The following KCNH1 variants were observed in gnomAD, a reference collection of about 807,000 sequenced individuals.
KCNH1 encodes voltage-gated delayed rectifier potassium channel KCNH1.
A neutral mutation model predicts 69.2 loss-of-function variants in KCNH1; 27 were observed. That is an observed-to-expected ratio of 0.39 (90% CI 0.29 to 0.54). The LOEUF (loss-of-function observed/expected upper bound fraction) is 0.54. Among genes scored for constraint, KCNH1 ranks in the 20% least tolerant of loss-of-function variants. The pLI is 0.68. For missense variants in KCNH1, 798 were observed against 1,261.6 expected (o/e 0.63, Z 5.57); for synonymous variants, 456 against 487.7 (o/e 0.93, Z 0.86).
intron 3 of KCNH1, among the ~76,000 whole-genome samples, chr1:211,102,352 T>C (rs1216335209): frequency 6.6e-6 from 1 of 152,174 alleles, no homozygotes. Context: ...GCTGTTGCTT[T>C]GAGTTGAGTT....
chr1:211,086,423 C>T (rs1020998557), intron 4 of KCNH1, among the ~76,000 whole-genome samples: 1 of 152,114 alleles, frequency 6.6e-6, no homozygotes, highest in Non-Finnish European at 1.5e-5. Context: ...CCAGTTCTAT[C>T]ACAAATGTCA....
intron 1 of KCNH1, among the ~76,000 whole-genome samples, chr1:211,116,087 G>A (rs1691576347): frequency 6.6e-6 from 1 of 152,072 alleles, no homozygotes; most frequent in Non-Finnish European, 1.5e-5. Flanking sequence ...AGTGAGCTAT[G>A]AGCATGCCAC....
At chr1:211,018,118 G>GACCT (rs1366179372) in intron 6 of KCNH1, among the ~76,000 whole-genome samples, 3 of 152,018 alleles carry the variant, frequency 2.0e-5, no homozygotes, top group Non-Finnish European at 4.4e-5. Context: ...CACCATGAGT[G>GACCT]ACCTGGTCCT....
chr1:210,878,018 GCCATATTTGAACTTATAAGTCT>G (rs1257196745), intron 7 of KCNH1, among the ~76,000 whole-genome samples: 1 of 151,998 alleles, frequency 6.6e-6, no homozygotes, highest in African/African-American at 2.4e-5. Context: ...ATGTGGGTTG[GCCATATTTGAACTTATAAGTCT>G]CCAGCTAAAA....
At chr1:210,854,314 G>A (rs1685781954) in intron 7 of KCNH1, among the ~76,000 whole-genome samples, 1 of 152,168 alleles carries the variant, frequency 6.6e-6, no homozygotes, top group South Asian at 2.1e-4. Context: ...TATAAATGAG[G>A]AAACTGGGAC....
At chr1:211,132,732 C>G (rs1235687402) in intron 1 of KCNH1, 1 of 152,122 alleles carries the variant, frequency 6.6e-6, no homozygotes, top group Non-Finnish European at 1.5e-5. Context: ...TTATTAAAAC[C>G]CATTTCCTAA....
At position 210,903,342 on chromosome 1, in the gene KCNH1, A is replaced by T. The variant is rs185466959; in HGVS notation, c.1462+16298T>A. On this transcript the variant is annotated intron_variant, in intron 7 of 10. Coordinates refer to ENST00000271751, the MANE Select transcript of KCNH1 (RefSeq NM_172362.3). ...TTATCTCAGCATCTATCAGCCCTAA[A>T]TTTTTTTAAATGAATGGATAAAATA... is the stretch of plus-strand genomic sequence containing the variant. 2.4e-4 allele frequency among the ~76,000 whole-genome samples: 37 copies of T among 152,214 alleles called. No individual in the cohort carries two copies. The East Asian group carries it at 7.0e-3, about 29-fold the overall frequency.
chr1:210,901,979 A>G (rs1160838334), intron 7 of KCNH1, among the ~76,000 whole-genome samples: 2 of 152,062 alleles, frequency 1.3e-5, no homozygotes, highest in African/African-American at 4.8e-5. Flanking sequence ...CTTAAATACC[A>G]CATCTCACAG....
chr1:211,006,560 G>A (rs1029194395), intron 6 of KCNH1, among the ~76,000 whole-genome samples: 2 of 149,970 alleles, frequency 1.3e-5, no homozygotes, highest in Middle Eastern at 3.4e-3. Context: ...GAAGTGACTA[G>A]GAACGATGAG....
At chr1:210,732,090 A>G (rs886788024) in intron 10 of KCNH1, among the ~76,000 whole-genome samples, 3 of 152,036 alleles carry the variant, frequency 2.0e-5, no homozygotes, top group Admixed American at 1.3e-4. Context: ...AGCTGTGGCC[A>G]TGAGAACATC....
At chr1:210,970,231 C>T (rs1688487044) in intron 6 of KCNH1, among the ~76,000 whole-genome samples, 1 of 152,028 alleles carries the variant, frequency 6.6e-6, no homozygotes, top group Non-Finnish European at 1.5e-5. Context: ...GCCTTGCACA[C>T]ATTAGCTATT....
At chr1:210,869,086 G>A (rs747150731) in intron 7 of KCNH1, among the ~76,000 whole-genome samples, 3 of 151,976 alleles carry the variant, frequency 2.0e-5, no homozygotes, top group African/African-American at 7.2e-5. Flanking sequence ...CTTTAAAGAC[G>A]TCATGTCATT....
In KCNH1 at chr1:211,050,260, T is replaced by TAAAAAAAAAAAAAAAAA. The variant is rs747498526; in HGVS notation, c.559-31021_559-31005dup. Among the ~76,000 whole-genome samples the TAAAAAAAAAAAAAAAAA allele has an allele frequency of 3.1e-4, 18 of 58,564 alleles. 1 individual carries two copies. Among genetic ancestry groups the TAAAAAAAAAAAAAAAAA allele is most frequent in the Admixed American group, 1.3e-3 (5 of 3,818 alleles). The allele number at this position is 58,564 out of a possible 152,430, so 38.4% of individuals were successfully genotyped here. A position where few individuals can be genotyped will look rare whatever the true frequency, so the allele number is the denominator to read the frequency against. ...AGGACAAACTCAGCCCACACATTCT[T>TAAAAAAAAAAAAAAAAA]AAAAAAAAAAAAAAAAAAAAAAAAA... On this transcript the variant is annotated intron_variant, in intron 5 of 10. Transcript: ENST00000271751.
At chr1:210,782,381 T>C (rs60695246) in intron 9 of KCNH1, among the ~76,000 whole-genome samples, 1 of 151,864 alleles carries the variant, frequency 6.6e-6, no homozygotes, top group Non-Finnish European at 1.5e-5. Context: ...TATTTGGAGG[T>C]GAGATCTCTA....
intron 10 of KCNH1, among the ~76,000 whole-genome samples, chr1:210,725,704 G>C (rs532120834): frequency 7.9e-5 from 12 of 152,152 alleles, no homozygotes; most frequent in African/African-American, 2.7e-4. Context: ...GGCTCTCAAG[G>C]CTCTTCAGAA....
intron 10 of KCNH1, among the ~76,000 whole-genome samples, chr1:210,707,066 T>TGC (rs369620054): frequency 1.6e-3 from 244 of 151,132 alleles, no homozygotes; most frequent in African/African-American, 5.5e-3. Flanking sequence ...TGTGTGTGTG[T>TGC]GCGCGCGCAC....
chr1:210,895,308 T>C (rs1020672915), intron 7 of KCNH1, among the ~76,000 whole-genome samples: 1 of 152,192 alleles, frequency 6.6e-6, no homozygotes, highest in Non-Finnish European at 1.5e-5. Context: ...TGTGCTTTAT[T>C]CATTTTCACA....
chr1:211,108,244 A>C (rs188428304), intron 1 of KCNH1, among the ~76,000 whole-genome samples: 1 of 152,324 alleles, frequency 6.6e-6, no homozygotes, highest in East Asian at 1.9e-4. Flanking sequence ...TCAATTAAGC[A>C]AATAACATCC....
intron 9 of KCNH1, among the ~76,000 whole-genome samples, chr1:210,776,648 G>A (rs1253415079): frequency 2.0e-5 from 3 of 152,136 alleles, no homozygotes; most frequent in Non-Finnish European, 2.9e-5. Flanking sequence ...TGACAATGCT[G>A]TCCCCTGGTC....
Sources: allele counts gnomAD v4.1 joint callset (sites outside exome capture counted in the v4.1 genomes callset), GRCh38; gene constraint gnomAD v4.1.1; transcripts MANE v1.5; gene names NCBI Gene and HGNC (gene_info 2026-07-23, HGNC 2026-07-21).